INPP5D: variants seen among roughly 807,000 people sequenced by gnomAD.
The protein encoded by INPP5D is inositol polyphosphate-5-phosphatase D, also known as phosphatidylinositol 3,4,5-trisphosphate 5-phosphatase 1.
In INPP5D, 33 loss-of-function variants were observed where a neutral mutation model predicts 122.9. The ratio of observed to expected loss-of-function variants is 0.27; its 90% confidence interval spans 0.20 to 0.36. INPP5D has a LOEUF of 0.36. INPP5D is among the 10% of genes least tolerant of loss of function. The probability of loss-of-function intolerance (pLI) is 1.00; values close to 1 mark genes in which losing one functional copy is unlikely to be tolerated. For synonymous variants in INPP5D, 584 were observed against 576.2 expected (o/e 1.01, Z -0.19); for missense variants, 1,053 against 1,412.7 (o/e 0.75, Z 4.08).
intron 2 of INPP5D, among the ~76,000 whole-genome samples, chr2:233,104,789 C>T (rs577404298): frequency 2.6e-5 from 4 of 152,124 alleles, no homozygotes; most frequent in East Asian, 3.9e-4. Context: ...GAGAGCTGAC[C>T]GCCATAGGTC....
At position 233,177,379 on chromosome 2, in the gene INPP5D, A is replaced by G. The variant is rs749919321; in HGVS notation, c.2071+33A>G. ...CAAACACTGGGGAAAGCAGAACAGG[A>G]TCAGAGAATGGCACCAAGCTGGGAG... is the stretch of plus-strand genomic sequence containing the variant. On this transcript the variant is annotated intron_variant, in intron 18 of 26. Coordinates refer to ENST00000445964, the MANE Select transcript of INPP5D (RefSeq NM_001017915.3). The surrounding 1 kb of genome is among the most constrained non-coding windows in gnomAD (Gnocchi z 4.2). 2 of 1,613,422 alleles carry G rather than the reference A, an allele frequency of 1.2e-6. No homozygotes were observed. The highest frequency in any genetic ancestry group is 1.7e-6 in the Non-Finnish European group (2 of 1,179,552).
chr2:233,185,736 A>AG, intron 20 of INPP5D, 107 bp from the exon 21 acceptor site: 1 of 1,129,894 alleles, frequency 8.9e-7, no homozygotes, highest in Non-Finnish European at 1.1e-6. Context: ...AAAAAAAAAA[A>AG]AGGAGAGAGC....
chr2:233,150,737 G>A (rs1425195780), intron 9 of INPP5D, among the ~76,000 whole-genome samples: 2 of 152,222 alleles, frequency 1.3e-5, no homozygotes, highest in Admixed American at 6.5e-5. Flanking sequence ...GTGGAGAAGG[G>A]AACGCTGGCA....
chr2:233,191,724 C>T (rs1473911789), intron 22 of INPP5D, among the ~76,000 whole-genome samples: 3 of 152,152 alleles, frequency 2.0e-5, no homozygotes, highest in African/African-American at 7.2e-5. Flanking sequence ...TGACATCAGA[C>T]CTCAGCACTT....
Position 233,204,480 on chromosome 2 carries a change from C to T in INPP5D, c.3330C>T (p.Val1110=). 5 of 1,586,868 alleles carry T rather than the reference C, an allele frequency of 3.2e-6. No individual in the cohort carries two copies. Among genetic ancestry groups the T allele is most frequent in the Non-Finnish European group, 4.3e-6 (5 of 1,167,800 alleles). Residue 1110 remains valine, a synonymous_variant, in exon 26 of 27, where the codon GTC becomes GTT. Coordinates refer to ENST00000445964, the MANE Select transcript of INPP5D (RefSeq NM_001017915.3). ...GCCAAGGGAAGCCCAAGACCCCGGT[C>T]AGCTCCCAGGCCCCGGTGCCGGCCA... is the stretch of plus-strand genomic sequence containing the variant. ...DKSQGKPKTP[V]SSQAPVPAKR... is the part of the protein sequence containing the mutation.
intron 2 of INPP5D, among the ~76,000 whole-genome samples, chr2:233,110,938 AAC>A (rs372222649): frequency 0.033 from 4,336 of 131,772 alleles, 97 homozygotes; most frequent in African/African-American, 0.084. Context: ...AAAAAAAAAC[AAC>A]AAAAAAAAAA....
intron 26 of INPP5D, chr2:233,205,380 A>T (rs1695470225): frequency 6.6e-6 from 1 of 150,800 alleles, no homozygotes; most frequent in African/African-American, 2.4e-5. Flanking sequence ...AAACAACAAC[A>T]ACGGAGTTTC....
chr2:233,101,345 G>T (rs1692305944), intron 2 of INPP5D, among the ~76,000 whole-genome samples: 1 of 152,076 alleles, frequency 6.6e-6, no homozygotes, highest in African/African-American at 2.4e-5. Flanking sequence ...ATGGGCATGT[G>T]TGTTATCAGC....
At chr2:233,096,854 C>T (rs1692158214) in intron 2 of INPP5D, among the ~76,000 whole-genome samples, 1 of 152,034 alleles carries the variant, frequency 6.6e-6, no homozygotes, top group African/African-American at 2.4e-5. Context: ...TGTTTTTAAA[C>T]ATTGTTTATG....
chr2:233,139,466 CTGTGTG>C (rs1191977468), intron 5 of INPP5D, among the ~76,000 whole-genome samples: 17,277 of 147,448 alleles, frequency 0.12, 1,206 homozygotes, highest in Middle Eastern at 0.22. Flanking sequence ...TTGTTAACAC[CTGTGTG>C]TGTGTGTGTG....
chr2:233,130,679 G>A (rs1444373744), intron 5 of INPP5D, 31 bp downstream of exon 5: 2 of 1,612,744 alleles, frequency 1.2e-6, no homozygotes. Context: ...GCGGGCAGGT[G>A]GGGGCGGCCA....
chr2:233,204,674 C>CGGA lies in INPP5D; in HGVS notation c.3530_3532dup (p.Glu1177dup). ...CTCCCGCATCACGGCAAGCACCGGC[C>CGGA]GGAGGAGGGGCCACCAGGGCCTCTA... On this transcript the variant is annotated inframe_insertion, in exon 26 of 27. Transcript: ENST00000445964. 1 of 1,569,960 alleles carries CGGA rather than the reference C, an allele frequency of 6.4e-7. No individual in the cohort carries two copies. Among genetic ancestry groups the CGGA allele is most frequent in the Non-Finnish European group, 8.6e-7 (1 of 1,159,642 alleles).
intron 5 of INPP5D, among the ~76,000 whole-genome samples, chr2:233,136,325 A>G (rs897442453): frequency 2.0e-5 from 3 of 152,174 alleles, no homozygotes; most frequent in African/African-American, 4.8e-5. Flanking sequence ...TAAAAATACA[A>G]AAAATTAGCT....
chr2:233,063,584 C>T (rs1023999272), intron 1 of INPP5D, among the ~76,000 whole-genome samples: 3 of 152,252 alleles, frequency 2.0e-5, no homozygotes, highest in Non-Finnish European at 2.9e-5. Context: ...GCACATTCTG[C>T]GCACACCCAG....
Position 233,099,170 on chromosome 2 carries a change from C to T in INPP5D, c.198+19772C>T, listed in dbSNP as rs112045365. On this transcript the variant is annotated intron_variant, in intron 2 of 26. Transcript: ENST00000445964. ...TTTGCTATGTTGGCCAGGCTGGTCT[C>T]GAACTCCTGACCTCAGGTGATTCAC... Among the ~76,000 whole-genome samples the T allele has an allele frequency of 5.5e-3, 838 of 152,220 alleles. 6 individuals carry two copies. Among genetic ancestry groups the T allele is most frequent in the African/African-American group, 0.019 (809 of 41,526 alleles).
At chr2:233,090,350 C>T (rs1325511877) in intron 2 of INPP5D, among the ~76,000 whole-genome samples, 3 of 152,128 alleles carry the variant, frequency 2.0e-5, no homozygotes, top group South Asian at 4.1e-4. Context: ...TAAAGAGATT[C>T]GCCATGGAAG....
At chr2:233,191,095 T>C (rs1056025382) in intron 22 of INPP5D, among the ~76,000 whole-genome samples, 1 of 152,074 alleles carries the variant, frequency 6.6e-6, no homozygotes, top group Non-Finnish European at 1.5e-5. Context: ...TTAAGACGGG[T>C]AATTTATAAA....
At chr2:233,134,099 G>T in intron 5 of INPP5D, 1 of 446,430 alleles carries the variant, frequency 2.2e-6, no homozygotes, top group Non-Finnish European at 4.5e-6. Context: ...TGGGTTCCCA[G>T]TGTGAGGGGC....
chr2:233,160,502 C>T lies in INPP5D; in HGVS notation c.1138-1222C>T, dbSNP rs535023042. ...AGTAATCTATTCTCCTTGGTGAAGA[C>T]GTGGCAAACACAAACAAGCAAATGT... is the stretch of plus-strand genomic sequence containing the variant. On this transcript the variant is annotated intron_variant, in intron 10 of 26. Coordinates refer to ENST00000445964, the MANE Select transcript of INPP5D (RefSeq NM_001017915.3). The surrounding 1 kb of genome is among the most constrained non-coding windows in gnomAD (Gnocchi z 4.2). Among the ~76,000 whole-genome samples, 5 of 152,300 alleles carry T rather than the reference C, an allele frequency of 3.3e-5. No homozygotes were observed. The highest frequency in any genetic ancestry group is 7.2e-5 in the African/African-American group (3 of 41,558).
Sources: gnomAD v4.1 joint callset for allele counts (sites outside exome capture counted in the v4.1 genomes callset) on GRCh38, gnomAD v4.1.1 for gene constraint, Gnocchi (gnomAD v3.1) non-coding constraint, MANE v1.5 for transcripts, NCBI Gene and HGNC (gene_info 2026-07-23, HGNC 2026-07-21) for gene names.